Variants in SPATA17 observed in about 807,000 individuals in gnomAD.
The protein encoded by SPATA17 is spermatogenesis-associated protein 17.
A neutral mutation model predicts 62.2 loss-of-function variants in SPATA17; 53 were observed. The observed-to-expected ratio is 0.85, with a 90% CI of 0.68 to 1.07. The LOEUF (loss-of-function observed/expected upper bound fraction) is 1.07. Among genes scored for constraint, SPATA17 ranks in the 50% least tolerant of loss-of-function variants. The pLI, the probability that SPATA17 is intolerant of heterozygous loss-of-function variation, is 0.00. For synonymous variants in SPATA17, 146 were observed against 146.8 expected (o/e 0.99, Z 0.04); for missense variants, 466 against 425.5 (o/e 1.10, Z -0.84).
intron 5 of SPATA17, among the ~76,000 whole-genome samples, chr1:217,726,755 A>G (rs1017487550): frequency 6.6e-6 from 1 of 150,714 alleles, no homozygotes; most frequent in African/African-American, 2.4e-5. Context: ...GAAAAGGGTT[A>G]TAGGCAAAAG....
chr1:217,710,757 C>T (rs1671840311), intron 5 of SPATA17, among the ~76,000 whole-genome samples: 1 of 151,988 alleles, frequency 6.6e-6, no homozygotes, highest in African/African-American at 2.4e-5. Context: ...GTTTTGCAAC[C>T]ATCACCACAA....
chr1:217,655,898 A>G (rs889422764), intron 3 of SPATA17, among the ~76,000 whole-genome samples: 4 of 152,184 alleles, frequency 2.6e-5, no homozygotes, highest in African/African-American at 7.2e-5. Flanking sequence ...CCCATTATTT[A>G]TAAGAATTGA....
intron 1 of SPATA17, among the ~76,000 whole-genome samples, chr1:217,641,355 C>T (rs1670058256): frequency 6.6e-6 from 1 of 151,912 alleles, no homozygotes; most frequent in South Asian, 2.1e-4. Flanking sequence ...AGCATCTATT[C>T]ATAAATTGGT....
intron 3 of SPATA17, among the ~76,000 whole-genome samples, chr1:217,661,251 GA>G (rs1220976071): frequency 7.0e-6 from 1 of 142,140 alleles, no homozygotes; most frequent in Non-Finnish European, 1.5e-5. Flanking sequence ...TTAAAAATAA[GA>G]ATAAACAGGA....
chr1:217,651,637 C>A (rs1670315925), intron 3 of SPATA17, among the ~76,000 whole-genome samples: 1 of 152,038 alleles, frequency 6.6e-6, no homozygotes, highest in African/African-American at 2.4e-5. Flanking sequence ...TCAGGACTTT[C>A]TGATAAATTT....
intron 5 of SPATA17, among the ~76,000 whole-genome samples, chr1:217,688,047 A>C (rs1473399608): frequency 6.6e-6 from 1 of 152,112 alleles, no homozygotes; most frequent in Non-Finnish European, 1.5e-5. Context: ...AGCTTCATTG[A>C]AAATTGAACT....
chr1:217,810,240 T>C (rs998713497), intron 9 of SPATA17, among the ~76,000 whole-genome samples: 3 of 152,174 alleles, frequency 2.0e-5, no homozygotes, highest in Non-Finnish European at 4.4e-5. Context: ...AAAAGAAAAG[T>C]AGTATATTTT....
intron 8 of SPATA17, among the ~76,000 whole-genome samples, chr1:217,787,500 C>G (rs1673898900): frequency 6.6e-6 from 1 of 152,052 alleles, no homozygotes; most frequent in South Asian, 2.1e-4. Flanking sequence ...TCTCTTGTTT[C>G]TGTTAAAAAT....
intron 9 of SPATA17, among the ~76,000 whole-genome samples, chr1:217,816,473 C>A (rs1026473541): frequency 1.3e-5 from 2 of 151,626 alleles, no homozygotes; most frequent in African/African-American, 4.8e-5. Flanking sequence ...ATATATTCAA[C>A]CTTCTATCTT....
chr1:217,662,931 A>G (rs951077798), intron 3 of SPATA17, among the ~76,000 whole-genome samples: 54 of 152,156 alleles, frequency 3.5e-4, no homozygotes, highest in African/African-American at 1.3e-3. Flanking sequence ...ACTGAAACAT[A>G]TATATATTTT....
At chr1:217,750,080 G>A (rs1006051652) in intron 6 of SPATA17, among the ~76,000 whole-genome samples, 11 of 145,086 alleles carry the variant, frequency 7.6e-5, no homozygotes, top group African/African-American at 2.8e-4. Context: ...ACCTCTCACA[G>A]AAGAGGAGAA....
intron 9 of SPATA17, among the ~76,000 whole-genome samples, chr1:217,820,408 T>A (rs577156566): frequency 1.3e-5 from 2 of 152,020 alleles, no homozygotes; most frequent in East Asian, 3.9e-4. Context: ...TCTACAAGAA[T>A]GGCAGTGGAT....
intron 8 of SPATA17, among the ~76,000 whole-genome samples, chr1:217,796,990 G>T (rs1487160318): frequency 6.6e-6 from 1 of 152,028 alleles, no homozygotes; most frequent in Non-Finnish European, 1.5e-5. Context: ...AACATGGTTT[G>T]TTTTTCTAGA....
chr1:217,690,094 G>T (rs1437044429), intron 5 of SPATA17, among the ~76,000 whole-genome samples: 2 of 151,886 alleles, frequency 1.3e-5, no homozygotes, highest in South Asian at 2.1e-4. Context: ...GTAGAGACAG[G>T]GTTTCACCAT....
At chr1:217,717,066 T>C (rs987320787) in intron 5 of SPATA17, among the ~76,000 whole-genome samples, 3 of 152,248 alleles carry the variant, frequency 2.0e-5, no homozygotes, top group African/African-American at 7.2e-5. Context: ...ACAAGTTCTA[T>C]TGGTCATATT....
At chr1:217,734,656 ATTTAAGAAATCTATG>A (rs1302375700) in intron 5 of SPATA17, among the ~76,000 whole-genome samples, 4 of 152,126 alleles carry the variant, frequency 2.6e-5, no homozygotes, top group Admixed American at 2.6e-4. Flanking sequence ...TTTTGTTTTT[ATTTAAGAAATCTATG>A]TAGTATTTTT....
At chr1:217,676,878 G>A (rs1444255816) in intron 4 of SPATA17, among the ~76,000 whole-genome samples, 1 of 152,098 alleles carries the variant, frequency 6.6e-6, no homozygotes, top group Non-Finnish European at 1.5e-5. Context: ...CTTACAGAAT[G>A]TTAAAGAACT....
intron 3 of SPATA17, among the ~76,000 whole-genome samples, chr1:217,655,319 G>A (rs946545354): frequency 1.3e-5 from 2 of 152,120 alleles, no homozygotes; most frequent in Non-Finnish European, 2.9e-5. Context: ...TTTCTTCAGT[G>A]TTGGATTCTG....
chr1:217,657,955 A>G (rs1670478934), intron 3 of SPATA17, among the ~76,000 whole-genome samples: 1 of 152,166 alleles, frequency 6.6e-6, no homozygotes, highest in Non-Finnish European at 1.5e-5. Context: ...AGAGAGAATG[A>G]GCAAAAGGAG....
Sources: allele counts gnomAD v4.1 joint callset (sites outside exome capture counted in the v4.1 genomes callset), GRCh38; gene constraint gnomAD v4.1.1; transcripts MANE v1.5; gene names NCBI Gene and HGNC (gene_info 2026-07-23, HGNC 2026-07-21).